TEX10: variants seen among roughly 807,000 people sequenced by gnomAD.
The protein encoded by TEX10 is testis-expressed protein 10.
Under a neutral mutation model 104.4 loss-of-function variants are expected in TEX10, and 24 were observed. The observed-to-expected ratio is 0.23, with a 90% confidence interval of 0.17 to 0.32. The LOEUF is 0.32. Among genes scored for constraint, TEX10 ranks in the 10% least tolerant of loss-of-function variants. The probability of loss-of-function intolerance (pLI) is 1.00; values close to 1 mark genes in which losing one functional copy is unlikely to be tolerated. For missense variants in TEX10, 921 were observed against 1,083.9 expected, an observed-to-expected ratio of 0.85 and a Z score of 2.11; for synonymous variants, 396 against 393.4, an observed-to-expected ratio of 1.01 and a Z score of -0.08.
chr9:100,352,467 C>G lies in TEX10; in HGVS notation c.-10+305G>C, dbSNP rs1375609652. The G allele has an allele frequency of 3.9e-6, 6 of 1,551,560 alleles. No individual in the cohort carries two copies. The Admixed American group carries it at 1.2e-4, about 30-fold the overall frequency. On this transcript the variant is annotated intron_variant, in intron 1 of 14. Coordinates refer to ENST00000374902, the MANE Select transcript of TEX10 (RefSeq NM_017746.4). ...TCCTCCTACTCCAAGGGACGCCGGC[C>G]AGGACCAGAGTCGGGGAAGTGGGGC... is the stretch of plus-strand genomic sequence containing the variant.
chr9:100,352,736 C>A (rs1049034920), intron 1 of TEX10, 36 bp downstream of exon 1: 12 of 1,186,858 alleles, frequency 1.0e-5, no homozygotes, highest in Non-Finnish European at 1.0e-5. Flanking sequence ...TCCCGCGCCC[C>A]GGGAGGACCC....
intron 5 of TEX10, among the ~76,000 whole-genome samples, chr9:100,338,412 A>G (rs941894707): frequency 1.3e-5 from 2 of 152,146 alleles, no homozygotes; most frequent in African/African-American, 4.8e-5. Flanking sequence ...AGATATCAGT[A>G]CCTGCCTGAG....
At chr9:100,342,590 ATTG>A (rs1464000751) in intron 4 of TEX10, among the ~76,000 whole-genome samples, 1 of 152,206 alleles carries the variant, frequency 6.6e-6, no homozygotes, top group African/African-American at 2.4e-5. Context: ...GCCATTATTT[ATTG>A]ATGCCCAATA....
chr9:100,316,530 C>T (rs1834422187), intron 11 of TEX10, among the ~76,000 whole-genome samples: 1 of 152,004 alleles, frequency 6.6e-6, no homozygotes, highest in Non-Finnish European at 1.5e-5. Context: ...CTAGCCAGAG[C>T]AATCAGGCAA....
chr9:100,315,755 C>A (rs1280120187), intron 11 of TEX10, among the ~76,000 whole-genome samples: 2 of 152,106 alleles, frequency 1.3e-5, no homozygotes, highest in Admixed American at 6.5e-5. Context: ...AAGGTTTCTG[C>A]TAAAAAGTCT....
In TEX10 at chr9:100,302,157, T is replaced by A; in HGVS notation, c.*34A>T. ...TTTCTTCAAATAAGATAGATGTGAA[T>A]AAACAACTTCAAACAGGAGGTACTA... On this transcript the variant is annotated 3_prime_UTR_variant, in exon 15 of 15. Transcript: ENST00000374902. 1 of 1,296,944 alleles carries A rather than the reference T, an allele frequency of 7.7e-7. No individual in the cohort carries two copies. The highest frequency in any genetic ancestry group is 1.1e-6 in the Non-Finnish European group (1 of 932,006). The allele number at this position is 1,296,944 out of a possible 1,614,324, so 80.3% of individuals were successfully genotyped here. A position where few individuals can be genotyped will look rare whatever the true frequency, so the allele number is the denominator to read the frequency against.
At chr9:100,303,560 T>C in intron 14 of TEX10, 72 bp downstream of exon 14, 6 of 1,508,850 alleles carry the variant, frequency 4.0e-6, no homozygotes, top group Non-Finnish European at 5.5e-6. Flanking sequence ...CAAAACACAC[T>C]TTCCCCCATG....
rs1368969214 is a variant in TEX10, at chr9:100,308,689, G to A, written c.2284-8C>T. On this transcript the variant is annotated splice_region_variant and splice_polypyrimidine_tract_variant and intron_variant, in intron 12 of 14. Transcript: ENST00000374902. ...AATTACAGTCAACCCAACCTAAGCA[G>A]AGAAAAACGAGATTAATCACCTCTT... 4.5e-6 allele frequency: 7 copies of A among 1,572,792 alleles called. No individual in the cohort carries two copies. In the South Asian group the frequency reaches 6.0e-5, roughly 13 times the overall value.
At chr9:100,328,602 G>C (rs568353198) in intron 7 of TEX10, among the ~76,000 whole-genome samples, 1 of 152,162 alleles carries the variant, frequency 6.6e-6, no homozygotes, top group Admixed American at 6.6e-5. Flanking sequence ...ACCAGAATAC[G>C]TTACAACAAC....
At chr9:100,311,598 T>G (rs1834283675) in intron 11 of TEX10, among the ~76,000 whole-genome samples, 1 of 152,332 alleles carries the variant, frequency 6.6e-6, no homozygotes, top group East Asian at 1.9e-4. Flanking sequence ...AAAATATTTA[T>G]GACCCAGAAA....
chr9:100,325,540 CT>C (rs969144434), intron 9 of TEX10, among the ~76,000 whole-genome samples: 8 of 151,480 alleles, frequency 5.3e-5, no homozygotes, highest in African/African-American at 1.7e-4. Flanking sequence ...TTAAAACTTT[CT>C]TTTTTTTGAG....
At chr9:100,329,829 T>C in intron 6 of TEX10, 102 bp downstream of exon 6, 3 of 1,003,656 alleles carry the variant, frequency 3.0e-6, no homozygotes, top group Non-Finnish European at 4.5e-6. Context: ...ACAATTAGCC[T>C]GACTACATGG....
At chr9:100,329,887 G>GT (rs1431730452) in intron 6 of TEX10, 44 bp downstream of exon 6, 3 of 1,449,456 alleles carry the variant, frequency 2.1e-6, no homozygotes, top group South Asian at 1.2e-5. Context: ...GATAGCACAT[G>GT]TAAGAGCTCC....
rs374119973 is a variant in TEX10, at chr9:100,349,368, G to A, written c.-5C>T. ...GCGTTTTCTTTTTTTAGTCATTCTC[G>A]ACTACTATAATGAAAAGAATTAATT... On this transcript the variant is annotated 5_prime_UTR_variant, in exon 2 of 15. Transcript: ENST00000374902. 3.2e-5 allele frequency: 50 copies of A among 1,557,196 alleles called. No homozygotes were observed. The highest frequency in any genetic ancestry group is 3.2e-4 in the African/African-American group (23 of 72,268).
At chr9:100,316,838 A>G (rs1369824810) in intron 11 of TEX10, among the ~76,000 whole-genome samples, 13 of 151,086 alleles carry the variant, frequency 8.6e-5, no homozygotes, top group Admixed American at 7.9e-4. Context: ...GTACATTTCT[A>G]TATACCAATA....
intron 11 of TEX10, among the ~76,000 whole-genome samples, chr9:100,314,835 T>C (rs190904579): frequency 6.6e-6 from 1 of 152,318 alleles, no homozygotes; most frequent in East Asian, 1.9e-4. Context: ...TTCTCCTTTT[T>C]TGATGTAGAC....
At chr9:100,304,874 C>G (rs1018599454) in intron 13 of TEX10, 6 of 151,986 alleles carry the variant, frequency 3.9e-5, no homozygotes, top group Admixed American at 3.9e-4. Flanking sequence ...AAAATTAACT[C>G]AAGATAGATT....
At chr9:100,312,522 A>G (rs1023387518) in intron 11 of TEX10, among the ~76,000 whole-genome samples, 12 of 152,244 alleles carry the variant, frequency 7.9e-5, no homozygotes, top group African/African-American at 2.4e-4. Context: ...TTTATGTCCA[A>G]TAAGAGGATA....
Position 100,352,932 on chromosome 9 carries a change from C to A in TEX10, c.-170G>T, listed in dbSNP as rs1264710931. The A allele has an allele frequency of 3.5e-5, 35 of 991,086 alleles. No homozygotes were observed. The highest frequency in any genetic ancestry group is 4.2e-5 in the Non-Finnish European group (35 of 834,324). 61.4% of individuals were successfully genotyped at this position (991,086 alleles called of 1,614,324 possible). A position where few individuals can be genotyped will look rare whatever the true frequency, so the allele number is the denominator to read the frequency against. On this transcript the variant is annotated 5_prime_UTR_variant, in exon 1 of 15. Transcript: ENST00000374902. ...CGCGGCCGCGTCTCCTTCCGCCGCC[C>A]GGAAATCAGGGCCCCTCCCCCTCCC...
Sources: allele counts gnomAD v4.1 joint callset (sites outside exome capture counted in the v4.1 genomes callset), GRCh38; gene constraint gnomAD v4.1.1; transcripts MANE v1.5; gene names NCBI Gene and HGNC (gene_info 2026-07-23, HGNC 2026-07-21).